The following CYP19A1 variants were observed in gnomAD, a reference collection of about 807,000 sequenced individuals.
CYP19A1 encodes the protein aromatase.
A neutral mutation model predicts 44.4 loss-of-function variants in CYP19A1; 32 were observed. That is an observed-to-expected ratio of 0.72 (90% CI 0.54 to 0.97). The LOEUF is 0.97. Among genes scored for constraint, CYP19A1 ranks in the 50% least tolerant of loss-of-function variants. The pLI, the probability that CYP19A1 is intolerant of heterozygous loss-of-function variation, is 0.00. For synonymous variants in CYP19A1, 212 were observed against 215.6 expected, an observed-to-expected ratio of 0.98 and a Z score of 0.14; for missense variants, 598 against 637.8, an observed-to-expected ratio of 0.94 and a Z score of 0.67.
At chr15:51,262,213 C>T (rs916687573) in intron 1 of CYP19A1, among the ~76,000 whole-genome samples, 2 of 152,226 alleles carry the variant, frequency 1.3e-5, no homozygotes, top group Non-Finnish European at 2.9e-5. Context: ...GAGCCCATCC[C>T]TTTGTTTCTG....
intron 2 of CYP19A1, among the ~76,000 whole-genome samples, chr15:51,241,910 C>A (rs904458925): frequency 3.3e-5 from 5 of 152,072 alleles, no homozygotes; most frequent in Admixed American, 6.5e-5. Context: ...ACCACACTTA[C>A]CAGTGTGTAA....
chr15:51,336,408 T>C (rs929094009), intron 1 of CYP19A1, among the ~76,000 whole-genome samples: 1 of 152,200 alleles, frequency 6.6e-6, no homozygotes, highest in Non-Finnish European at 1.5e-5. Flanking sequence ...TGAAGTTTCT[T>C]GGGGTTTAAC....
chr15:51,228,067 G>A (rs1187564914), intron 3 of CYP19A1, 134 bp from the exon 4 acceptor site: 10 of 720,868 alleles, frequency 1.4e-5, no homozygotes, highest in Non-Finnish European at 2.0e-5. Context: ...TCTAGTATTC[G>A]GGTTGAATAA....
chr15:51,211,048 A>G lies in CYP19A1; in HGVS notation c.1272T>C (p.Tyr424=), dbSNP rs771335460. ...CAAAGCCAAATGGCTGAAAGTACCT[A>G]TAAGGAACCTATGAAAATGATCAGA... The part of the protein sequence containing the change: ...TLENFAKNVP[Y]RYFQPFGFGP... Residue 424 remains tyrosine, a synonymous_variant, in exon 10 of 10, where the codon TAT becomes TAC. Coordinates refer to ENST00000396402, the MANE Select transcript of CYP19A1 (RefSeq NM_000103.4). 5 of 1,581,272 alleles carry G rather than the reference A, an allele frequency of 3.2e-6. No individual in the cohort carries two copies. The East Asian group carries it at 8.9e-5, about 28-fold the overall frequency.
intron 6 of CYP19A1, among the ~76,000 whole-genome samples, chr15:51,217,267 A>G (rs2031663268): frequency 6.6e-6 from 1 of 152,190 alleles, no homozygotes; most frequent in Non-Finnish European, 1.5e-5. Context: ...CAGAAACCTA[A>G]GAGAATCCGT....
At chr15:51,330,951 C>T (rs908955861) in intron 1 of CYP19A1, among the ~76,000 whole-genome samples, 3 of 152,088 alleles carry the variant, frequency 2.0e-5, no homozygotes, top group African/African-American at 7.2e-5. Context: ...AGCTACATGG[C>T]CGTGACGTGG....
At chr15:51,213,801 T>G (rs2141038208) in intron 8 of CYP19A1, among the ~76,000 whole-genome samples, 1 of 152,246 alleles carries the variant, frequency 6.6e-6, no homozygotes, top group Admixed American at 6.5e-5. Context: ...TTTACTGTAT[T>G]GAGCTTGTTT....
intron 2 of CYP19A1, among the ~76,000 whole-genome samples, chr15:51,238,816 A>G (rs2033572260): frequency 6.6e-6 from 1 of 152,206 alleles, no homozygotes; most frequent in Non-Finnish European, 1.5e-5. Flanking sequence ...CTAGCGATCA[A>G]TTGTATATCA....
At chr15:51,231,776 C>A (rs1245073798) in intron 3 of CYP19A1, among the ~76,000 whole-genome samples, 2 of 152,058 alleles carry the variant, frequency 1.3e-5, no homozygotes, top group Non-Finnish European at 2.9e-5. Flanking sequence ...CTATTATATT[C>A]TCCCTACTCA....
chr15:51,283,292 C>A (rs2035590200), intron 1 of CYP19A1, among the ~76,000 whole-genome samples: 1 of 152,222 alleles, frequency 6.6e-6, no homozygotes, highest in Admixed American at 6.5e-5. Flanking sequence ...CCTCTTCTCT[C>A]TCCCATTAAT....
chr15:51,241,013 G>A (rs977943337), intron 2 of CYP19A1, among the ~76,000 whole-genome samples: 5 of 152,206 alleles, frequency 3.3e-5, no homozygotes, highest in African/African-American at 1.2e-4. Flanking sequence ...CAGGAAGGGA[G>A]ATTTTTTTAA....
chr15:51,243,001 T>C, intron 1 of CYP19A1, 51 bp from the exon 2 acceptor site: 1 of 897,978 alleles, frequency 1.1e-6, no homozygotes, highest in South Asian at 1.3e-5. Flanking sequence ...AAAAGGTTCA[T>C]CTATAGCTCC....
chr15:51,212,275 A>T, intron 9 of CYP19A1, 45 bp downstream of exon 9: 2 of 1,354,476 alleles, frequency 1.5e-6, no homozygotes, highest in Non-Finnish European at 2.1e-6. Context: ...TTAACAGTTG[A>T]CATTTTCAAG....
chr15:51,305,540 G>A (rs1165644068), intron 1 of CYP19A1, among the ~76,000 whole-genome samples: 1 of 152,006 alleles, frequency 6.6e-6, no homozygotes, highest in Non-Finnish European at 1.5e-5. Context: ...GGTACCATGA[G>A]ATAATAAATT....
chr15:51,331,397 A>G (rs191156246), intron 1 of CYP19A1, among the ~76,000 whole-genome samples: 1 of 152,306 alleles, frequency 6.6e-6, no homozygotes, highest in Non-Finnish European at 1.5e-5. Flanking sequence ...CAGCCAAGAC[A>G]TTCCTCCTCT....
intron 1 of CYP19A1, among the ~76,000 whole-genome samples, chr15:51,296,438 GAACA>G (rs2035996459): frequency 6.6e-6 from 1 of 152,160 alleles, no homozygotes; most frequent in African/African-American, 2.4e-5. Context: ...TCTCTAAAAA[GAACA>G]GACAGGCAGT....
At chr15:51,230,617 C>CT (rs35011672) in intron 3 of CYP19A1, among the ~76,000 whole-genome samples, 49,371 of 126,486 alleles carry the variant, frequency 0.39, 10,997 homozygotes, top group Non-Finnish European at 0.5. Context: ...TTGGTGCCTT[C>CT]TTTTTTTTTT....
At chr15:51,284,432 A>C (rs1205331230) in intron 1 of CYP19A1, among the ~76,000 whole-genome samples, 2 of 152,198 alleles carry the variant, frequency 1.3e-5, no homozygotes, top group Non-Finnish European at 2.9e-5. Flanking sequence ...TGATTTTACC[A>C]TGTCAAGGAC....
chr15:51,315,070 A>G (rs1484806625), intron 1 of CYP19A1, among the ~76,000 whole-genome samples: 1 of 151,912 alleles, frequency 6.6e-6, no homozygotes, highest in Non-Finnish European at 1.5e-5. Flanking sequence ...ACTCTAACAT[A>G]CAAATCTGCT....
Sources: allele counts gnomAD v4.1 joint callset (sites outside exome capture counted in the v4.1 genomes callset), GRCh38; gene constraint gnomAD v4.1.1; transcripts MANE v1.5; gene names NCBI Gene and HGNC (gene_info 2026-07-23, HGNC 2026-07-21).